PIEZO2: variants seen among roughly 807,000 people sequenced by gnomAD.
PIEZO2 encodes the protein piezo type mechanosensitive ion channel component 2.
Under a neutral mutation model 337.3 loss-of-function variants are expected in PIEZO2, and 172 were observed. The observed-to-expected ratio is 0.51, with a 90% CI of 0.45 to 0.58. The LOEUF (loss-of-function observed/expected upper bound fraction) is 0.58. Ranked by LOEUF, PIEZO2 falls within the 20% of genes least tolerant of loss-of-function variation. The pLI is 0.00. For missense variants in PIEZO2, 3,028 were observed against 3,391.3 expected (o/e 0.89, Z 2.66); for synonymous variants, 1,251 against 1,228.5 (o/e 1.02, Z -0.38).
rs1330405238 is a variant in PIEZO2, at chr18:10,853,852, C to A, written c.917+1501G>T. Among the ~76,000 whole-genome samples the A allele has an allele frequency of 6.6e-6, 1 of 152,168 alleles. No homozygotes were observed. Among genetic ancestry groups the A allele is most frequent in the African/African-American group, 2.4e-5 (1 of 41,420 alleles). ...GCATTTTTCTGTCTACCCACAAAAC[C>A]ATCATACACCTAAGAAATCAGCAAT... On this transcript the variant is annotated intron_variant, in intron 7 of 55. Transcript: ENST00000674853. This position sits in a 1 kb window ranked among gnomAD's most constrained non-coding sequence, Gnocchi z 4.2.
At chr18:10,875,524 T>G (rs1468660236) in intron 4 of PIEZO2, among the ~76,000 whole-genome samples, 1 of 152,122 alleles carries the variant, frequency 6.6e-6, no homozygotes, top group Non-Finnish European at 1.5e-5. Context: ...GGAGTAGTAG[T>G]AGGTTGGTAC....
chr18:11,082,272 G>A (rs1001828293), intron 1 of PIEZO2, among the ~76,000 whole-genome samples: 25 of 151,926 alleles, frequency 1.6e-4, no homozygotes, highest in African/African-American at 5.8e-4. Context: ...TCTTCTACTC[G>A]AATATGTACC....
intron 4 of PIEZO2, among the ~76,000 whole-genome samples, chr18:10,897,001 G>A (rs778577672): frequency 7.9e-5 from 12 of 152,084 alleles, no homozygotes; most frequent in East Asian, 1.9e-4. Flanking sequence ...GCAATAGAAC[G>A]ATGCAATGTC....
intron 4 of PIEZO2, among the ~76,000 whole-genome samples, chr18:10,898,847 G>A (rs1268840498): frequency 2.0e-5 from 3 of 152,118 alleles, no homozygotes; most frequent in Admixed American, 1.3e-4. Flanking sequence ...TAGGAGCAAT[G>A]TCAAGGAGTG....
rs368843819 is a variant in PIEZO2, at chr18:10,675,319, C to T, written c.8082-31G>A. The T allele has an allele frequency of 7.2e-5, 97 of 1,349,366 alleles. 1 individual carries two copies. The South Asian group carries it at 1.1e-3, about 15-fold the overall frequency. The allele number at this position is 1,349,366 out of a possible 1,614,324, so 83.6% of individuals were successfully genotyped here. On this transcript the variant is annotated intron_variant, in intron 53 of 55. Transcript: ENST00000674853. ...CATTAAGAAAAAAAAGATACAATTA[C>T]GTTTTAGTTGTTTTACCCACCTAAA...
chr18:11,086,857 G>T (rs917343145), intron 1 of PIEZO2, among the ~76,000 whole-genome samples: 2 of 151,688 alleles, frequency 1.3e-5, no homozygotes, highest in African/African-American at 2.4e-5. Flanking sequence ...GTTTTTTTCC[G>T]CAGAAAACAA....
At chr18:10,715,935 A>G (rs1413524014) in intron 37 of PIEZO2, 119 bp from the exon 38 acceptor site, 1 of 789,734 alleles carries the variant, frequency 1.3e-6, no homozygotes, top group Non-Finnish European at 2.0e-6. Flanking sequence ...GCATCTAATA[A>G]GGCATGTGAC....
Position 10,998,134 on chromosome 18 carries a change from A to G in PIEZO2, c.161-18474T>C, listed in dbSNP as rs149083550. 2.0e-3 allele frequency among the ~76,000 whole-genome samples: 297 copies of G among 152,302 alleles called. 2 individuals are homozygous for G. The highest frequency in any genetic ancestry group is 7.0e-3 in the African/African-American group (289 of 41,570). On this transcript the variant is annotated intron_variant, in intron 2 of 55. Coordinates refer to ENST00000674853, the MANE Select transcript of PIEZO2 (RefSeq NM_001378183.1). ...TTTAAATCTGCAAAAGAAAAGAATTATAAACTTAGAATTTTATACCCTGTG... is the reference window on the plus strand; with the variant it reads ...TTTAAATCTGCAAAAGAAAAGAATTGTAAACTTAGAATTTTATACCCTGTG...
At chr18:11,086,518 CAA>C (rs35240439) in intron 1 of PIEZO2, among the ~76,000 whole-genome samples, 5 of 125,464 alleles carry the variant, frequency 4.0e-5, no homozygotes, top group Non-Finnish European at 1.7e-5. Context: ...GACTCCGTCT[CAA>C]AAAAAAAAAA....
chr18:10,797,651 A>C, intron 11 of PIEZO2, 129 bp from the exon 12 acceptor site: 1 of 1,397,498 alleles, frequency 7.2e-7, no homozygotes, highest in Non-Finnish European at 9.4e-7. Flanking sequence ...ATTGTTTCCC[A>C]TTCATAAAGC....
intron 4 of PIEZO2, among the ~76,000 whole-genome samples, chr18:10,883,810 C>G (rs1452681112): frequency 1.6e-5 from 1 of 62,752 alleles, no homozygotes; most frequent in East Asian, 7.1e-4. Context: ...TCTATGAGTC[C>G]TACTTCTTTT....
chr18:10,906,001 C>T (rs998781560), intron 4 of PIEZO2, among the ~76,000 whole-genome samples: 1 of 152,054 alleles, frequency 6.6e-6, no homozygotes, highest in Non-Finnish European at 1.5e-5. Flanking sequence ...ATATCTAAAA[C>T]TTGGGAGGTG....
chr18:10,841,536 G>A (rs1327308834), intron 7 of PIEZO2, among the ~76,000 whole-genome samples: 1 of 152,122 alleles, frequency 6.6e-6, no homozygotes, highest in Non-Finnish European at 1.5e-5. Context: ...GCAGTGAGTT[G>A]ATTTATTCAA....
chr18:10,817,618 T>C (rs148028083), intron 7 of PIEZO2, among the ~76,000 whole-genome samples: 8 of 152,258 alleles, frequency 5.3e-5, no homozygotes, highest in African/African-American at 1.9e-4. Context: ...GACAGAAACA[T>C]TCTTCAAAAT....
chr18:10,939,086 A>AAC (rs2032571070), intron 3 of PIEZO2, among the ~76,000 whole-genome samples: 5 of 152,228 alleles, frequency 3.3e-5, no homozygotes, highest in Admixed American at 2.0e-4. Flanking sequence ...AAACAAAAAA[A>AAC]AAATGTAAGT....
At chr18:11,008,754 C>T (rs75141012) in intron 2 of PIEZO2, among the ~76,000 whole-genome samples, 1,954 of 152,284 alleles carry the variant, frequency 0.013, 48 homozygotes, top group African/African-American at 0.045. Flanking sequence ...TGGTGACAGA[C>T]GTAAACAACA....
chr18:10,997,292 T>A (rs562005843), intron 2 of PIEZO2, among the ~76,000 whole-genome samples: 1 of 151,014 alleles, frequency 6.6e-6, no homozygotes, highest in East Asian at 1.9e-4. Context: ...AACTTAAACA[T>A]TCTGCAGAAG....
At chr18:11,049,311 T>C (rs1265433652) in intron 2 of PIEZO2, among the ~76,000 whole-genome samples, 1 of 152,210 alleles carries the variant, frequency 6.6e-6, no homozygotes, top group African/African-American at 2.4e-5. Context: ...CTGGAGATTA[T>C]GCAGTGAATA....
intron 21 of PIEZO2, among the ~76,000 whole-genome samples, chr18:10,764,824 A>G (rs1598449471): frequency 6.6e-6 from 1 of 152,132 alleles, no homozygotes; most frequent in Non-Finnish European, 1.5e-5. Flanking sequence ...GCAAACCATA[A>G]CTCACTCATA....
Sources: gnomAD v4.1 joint callset for allele counts (sites outside exome capture counted in the v4.1 genomes callset) on GRCh38, gnomAD v4.1.1 for gene constraint, Gnocchi (gnomAD v3.1) non-coding constraint, MANE v1.5 for transcripts, NCBI Gene and HGNC (gene_info 2026-07-23, HGNC 2026-07-21) for gene names.